Variants in RPS6KC1 observed in about 807,000 individuals in gnomAD.
RPS6KC1 encodes ribosomal protein S6 kinase C1.
Under a neutral mutation model 103.8 loss-of-function variants are expected in RPS6KC1, and 54 were observed. The ratio of observed to expected loss-of-function variants is 0.52; its 90% CI spans 0.42 to 0.65. The LOEUF is 0.65. Ranked by LOEUF, RPS6KC1 falls within the 30% of genes least tolerant of loss-of-function variation. The pLI, the probability that RPS6KC1 is intolerant of heterozygous loss-of-function variation, is 0.00. For missense variants in RPS6KC1, 1,151 were observed against 1,253.8 expected (o/e 0.92, Z 1.24); for synonymous variants, 439 against 438.7 (o/e 1.00, Z -0.01).
At chr1:213,285,761 T>G in the RPS6KC1 span, among the ~76,000 whole-genome samples, 10 of 152,204 alleles carry the variant, frequency 6.6e-5, no homozygotes, top group Admixed American at 1.3e-4. Context: ...AGCAGTAGTA[T>G]TAAGCTGTGG....
the RPS6KC1 span, among the ~76,000 whole-genome samples, chr1:213,313,159 C>T: frequency 6.6e-6 from 1 of 152,126 alleles, no homozygotes; most frequent in Non-Finnish European, 1.5e-5. Context: ...AAACCCAAAG[C>T]TCACGAAAAT....
the RPS6KC1 span, among the ~76,000 whole-genome samples, chr1:213,513,440 C>T: frequency 7.1e-6 from 1 of 141,298 alleles, no homozygotes; most frequent in African/African-American, 2.5e-5. Flanking sequence ...GGTCAGGGGA[C>T]TTTGTAGTAG....
the RPS6KC1 span, among the ~76,000 whole-genome samples, chr1:213,366,457 T>C: frequency 6.6e-6 from 1 of 152,328 alleles, no homozygotes; most frequent in African/African-American, 2.4e-5. Flanking sequence ...GGCTGTTTAG[T>C]GCAGGGATTG....
the RPS6KC1 span, among the ~76,000 whole-genome samples, chr1:213,603,810 A>C: frequency 3.3e-5 from 5 of 152,134 alleles, no homozygotes. Context: ...CAGTGAACTG[A>C]GATTGCCCCA....
At chr1:213,373,946 G>C in the RPS6KC1 span, among the ~76,000 whole-genome samples, 104 of 152,280 alleles carry the variant, frequency 6.8e-4, no homozygotes, top group Non-Finnish European at 5.9e-5. Context: ...TGTATCCTTT[G>C]AAGGCTCCTG....
intron 8 of RPS6KC1, among the ~76,000 whole-genome samples, chr1:213,207,772 C>G (rs954525168): frequency 1.3e-5 from 2 of 152,102 alleles, no homozygotes; most frequent in African/African-American, 4.8e-5. Flanking sequence ...CTCCTGAGTT[C>G]AAGTGATTCT....
intron 6 of RPS6KC1, among the ~76,000 whole-genome samples, chr1:213,130,495 A>C (rs1014131279): frequency 6.6e-6 from 1 of 152,132 alleles, no homozygotes; most frequent in Non-Finnish European, 1.5e-5. Context: ...ATTTAGTTGC[A>C]TGACTTTTTG....
the RPS6KC1 span, among the ~76,000 whole-genome samples, chr1:213,762,774 C>A: frequency 2.6e-4 from 40 of 151,778 alleles, no homozygotes; most frequent in African/African-American, 9.4e-4. Context: ...AATACACACA[C>A]AAGTATTTAA....
chr1:213,602,188 T>TTC, the RPS6KC1 span, among the ~76,000 whole-genome samples: 108 of 92,604 alleles, frequency 1.2e-3, no homozygotes, highest in African/African-American at 3.7e-3. Flanking sequence ...CTTTCTTTCT[T>TTC]TTTCCCTCCC....
the RPS6KC1 span, among the ~76,000 whole-genome samples, chr1:213,335,752 T>C: frequency 1.3e-5 from 2 of 152,214 alleles, no homozygotes; most frequent in African/African-American, 2.4e-5. Flanking sequence ...GGGGCAGAGC[T>C]GATGTAAGGA....
chr1:213,075,833 C>T (rs994050920), intron 2 of RPS6KC1, among the ~76,000 whole-genome samples: 4 of 152,308 alleles, frequency 2.6e-5, no homozygotes, highest in East Asian at 3.9e-4. Flanking sequence ...ACTTCACCCC[C>T]GGTGCCCTCC....
chr1:213,464,467 CTT>C, the RPS6KC1 span, among the ~76,000 whole-genome samples: 1 of 152,094 alleles, frequency 6.6e-6, no homozygotes, highest in African/African-American at 2.4e-5. Context: ...TTACTTATAA[CTT>C]TCATCCTTTT....
intron 6 of RPS6KC1, among the ~76,000 whole-genome samples, chr1:213,154,243 T>C (rs1174768838): frequency 2.0e-5 from 3 of 152,236 alleles, no homozygotes; most frequent in African/African-American, 7.2e-5. Flanking sequence ...AGGCCTGTTA[T>C]AGCCACTCCC....
chr1:213,087,974 GC>G (rs1210808521), intron 3 of RPS6KC1, among the ~76,000 whole-genome samples: 1 of 152,132 alleles, frequency 6.6e-6, no homozygotes, highest in Non-Finnish European at 1.5e-5. Flanking sequence ...CTGTCTGCTA[GC>G]CTTGGTCTGC....
chr1:213,719,450 G>A, the RPS6KC1 span, among the ~76,000 whole-genome samples: 1 of 152,150 alleles, frequency 6.6e-6, no homozygotes, highest in Non-Finnish European at 1.5e-5. Flanking sequence ...ACAATAAGGG[G>A]TATGTGTTAC....
intron 6 of RPS6KC1, among the ~76,000 whole-genome samples, chr1:213,163,440 A>G (rs1192002797): frequency 6.6e-6 from 1 of 152,228 alleles, no homozygotes; most frequent in Non-Finnish European, 1.5e-5. Context: ...AATAGAGTCA[A>G]AATACTCTTA....
chr1:213,614,091 A>C, the RPS6KC1 span, among the ~76,000 whole-genome samples: 4 of 152,210 alleles, frequency 2.6e-5, no homozygotes, highest in Non-Finnish European at 4.4e-5. Context: ...CCAAGTCACA[A>C]AGCCATTGAC....
At chr1:213,725,440 A>G in the RPS6KC1 span, among the ~76,000 whole-genome samples, 1 of 152,228 alleles carries the variant, frequency 6.6e-6, no homozygotes, top group Non-Finnish European at 1.5e-5. Context: ...TGCCCAGGAC[A>G]AGAGAAGCCC....
At chr1:213,491,104 C>A in the RPS6KC1 span, among the ~76,000 whole-genome samples, 1 of 152,106 alleles carries the variant, frequency 6.6e-6, no homozygotes, top group African/African-American at 2.4e-5. Flanking sequence ...GGTGGTTAGG[C>A]ACTGAGGGCA....
Sources: gnomAD v4.1 joint callset for allele counts (sites outside exome capture counted in the v4.1 genomes callset) on GRCh38, gnomAD v4.1.1 for gene constraint, MANE v1.5 for transcripts, NCBI Gene and HGNC (gene_info 2026-07-23, HGNC 2026-07-21) for gene names.